FUT8: variants seen among roughly 807,000 people sequenced by gnomAD.
FUT8 encodes alpha-(1,6)-fucosyltransferase.
A neutral mutation model predicts 71.3 loss-of-function variants in FUT8; 29 were observed. The ratio of observed to expected loss-of-function variants is 0.41; its 90% CI spans 0.30 to 0.55. The LOEUF (loss-of-function observed/expected upper bound fraction) is 0.55. Among genes scored for constraint, FUT8 ranks in the 20% least tolerant of loss-of-function variants. FUT8 has a pLI of 0.34. For synonymous variants in FUT8, 254 were observed against 239.3 expected (o/e 1.06, Z -0.57); for missense variants, 544 against 702.1 (o/e 0.77, Z 2.55).
chr14:65,655,707 C>T lies in FUT8; in HGVS notation c.598-13536C>T, dbSNP rs73268560. The stretch of plus-strand genomic sequence containing the variant: ...AATATAGTTGGAGACTTTAATATCC[C>T]TCTTTCAATAATTGATGGAAGCATT... On this transcript the variant is annotated intron_variant, in intron 6 of 10. Coordinates refer to ENST00000673929, the MANE Select transcript of FUT8 (RefSeq NM_001371533.1). 9.3e-3 allele frequency among the ~76,000 whole-genome samples: 1,423 copies of T among 152,232 alleles called. 22 individuals are homozygous for T. The highest frequency in any genetic ancestry group is 0.033 in the African/African-American group (1,355 of 41,538).
intron 1 of FUT8, among the ~76,000 whole-genome samples, chr14:65,430,732 G>A (rs972590201): frequency 2.0e-5 from 3 of 152,136 alleles, no homozygotes; most frequent in Non-Finnish European, 4.4e-5. Flanking sequence ...ATAATTAAAA[G>A]TTTTGTAACA....
chr14:65,537,827 A>G (rs903297364), intron 2 of FUT8, among the ~76,000 whole-genome samples: 6 of 152,174 alleles, frequency 3.9e-5, no homozygotes, highest in Non-Finnish European at 5.9e-5. Flanking sequence ...GTGGTATAAC[A>G]TGGGTTCTGT....
At position 65,616,085 on chromosome 14, in the gene FUT8, C is replaced by A. The variant is rs376024022; in HGVS notation, c.311C>A (p.Thr104Asn). The change falls in exon 4 of 11, where the codon ACC (threonine) becomes AAC (asparagine). Residue 104 changes from threonine to asparagine, a missense_variant. Transcript: ENST00000673929. ...CAGATTGAAAATTACAAGAAACAGACCAGAAATGGTAGGTGATTATACAGT... is the reference window on the plus strand; with the variant it reads ...CAGATTGAAAATTACAAGAAACAGAACAGAAATGGTAGGTGATTATACAGT... ...KEQIENYKKQ[T>N]RNGLGKDHEI... The A allele has an allele frequency of 8.1e-5, 130 of 1,613,068 alleles. No homozygotes were observed. Among genetic ancestry groups the A allele is most frequent in the Non-Finnish European group, 5.9e-5 (69 of 1,179,348 alleles).
At position 65,464,259 on chromosome 14, in the gene FUT8, GT is replaced by G. The variant is rs3084724; in HGVS notation, c.-228+8561del. On this transcript the variant is annotated intron_variant, in intron 2 of 10. Transcript: ENST00000673929. ...AGGAGTTTGTTGGTCAGTACTTTGG[GT>G]TTTTTTTTTTTTTTTTTTTACATAG... is the stretch of plus-strand genomic sequence containing the variant. 4.4e-3 allele frequency among the ~76,000 whole-genome samples: 508 copies of G among 116,526 alleles called. 3 individuals are homozygous for G. The highest frequency in any genetic ancestry group is 0.04 in the East Asian group (150 of 3,792). The allele number at this position is 116,526 out of a possible 152,430, so 76.4% of individuals were successfully genotyped here.
chr14:65,402,746 G>T, the FUT8 span, among the ~76,000 whole-genome samples: 1 of 152,124 alleles, frequency 6.6e-6, no homozygotes, highest in African/African-American at 2.4e-5. Context: ...ACAATCTCCT[G>T]CCTCAGCCTC....
intron 10 of FUT8, among the ~76,000 whole-genome samples, chr14:65,737,833 CTT>C (rs1429758286): frequency 6.6e-6 from 1 of 152,086 alleles, no homozygotes; most frequent in African/African-American, 2.4e-5. Flanking sequence ...ATGAGCCTCT[CTT>C]GGTCTAATTC....
At chr14:65,477,616 A>ATT (rs1008752376) in intron 2 of FUT8, among the ~76,000 whole-genome samples, 7 of 150,542 alleles carry the variant, frequency 4.6e-5, no homozygotes, top group African/African-American at 1.7e-4. Flanking sequence ...AGCTTTGCTA[A>ATT]TTTTTTTTTT....
At chr14:65,672,767 A>G (rs1353766629) in intron 7 of FUT8, among the ~76,000 whole-genome samples, 1 of 152,132 alleles carries the variant, frequency 6.6e-6, no homozygotes, top group Non-Finnish European at 1.5e-5. Context: ...GGCCTCAACA[A>G]TTTATAATTT....
chr14:65,694,706 T>G (rs1407723684), intron 7 of FUT8, among the ~76,000 whole-genome samples: 3 of 152,002 alleles, frequency 2.0e-5, no homozygotes, highest in Non-Finnish European at 4.4e-5. Context: ...TGGAATACTA[T>G]GCAGCCATAA....
chr14:65,440,039 T>A (rs1450823378), intron 1 of FUT8, among the ~76,000 whole-genome samples: 1 of 144,672 alleles, frequency 6.9e-6, no homozygotes, highest in Non-Finnish European at 1.5e-5. Context: ...GAGAAGGAAG[T>A]CTTGATATTT....
At chr14:65,633,896 G>A (rs1004991127) in intron 6 of FUT8, among the ~76,000 whole-genome samples, 1 of 151,632 alleles carries the variant, frequency 6.6e-6, no homozygotes, top group African/African-American at 2.4e-5. Flanking sequence ...GGAGGGAGGT[G>A]GGGGTCAGCC....
At chr14:65,619,547 G>A (rs1200575603) in intron 5 of FUT8, among the ~76,000 whole-genome samples, 1 of 152,136 alleles carries the variant, frequency 6.6e-6, no homozygotes, top group African/African-American at 2.4e-5. Flanking sequence ...GGCCTTGATA[G>A]CTAATAACTA....
intron 1 of FUT8, among the ~76,000 whole-genome samples, chr14:65,454,765 G>A (rs766691255): frequency 2.6e-5 from 4 of 152,116 alleles, no homozygotes; most frequent in Non-Finnish European, 5.9e-5. Flanking sequence ...GGTGACTTGC[G>A]CATACTACAC....
At chr14:65,655,454 C>T (rs1297961894) in intron 6 of FUT8, among the ~76,000 whole-genome samples, 18 of 137,554 alleles carry the variant, frequency 1.3e-4, no homozygotes, top group Admixed American at 2.4e-4. Flanking sequence ...TTAGCCTGGG[C>T]GACAGAGCAA....
chr14:65,615,485 G>A (rs924263230), intron 3 of FUT8, among the ~76,000 whole-genome samples: 1 of 152,092 alleles, frequency 6.6e-6, no homozygotes, highest in Non-Finnish European at 1.5e-5. Context: ...GTAGTCTAAT[G>A]TCATGAATTG....
intron 2 of FUT8, among the ~76,000 whole-genome samples, chr14:65,490,791 T>A (rs370340600): frequency 3.9e-5 from 6 of 152,264 alleles, no homozygotes. Flanking sequence ...TATGGAAGAC[T>A]GTGGCAAAAA....
At chr14:65,370,193 CACAT>C in the FUT8 span, among the ~76,000 whole-genome samples, 2 of 144,810 alleles carry the variant, frequency 1.4e-5, no homozygotes, top group African/African-American at 5.1e-5. Context: ...CTTTAGAGCA[CACAT>C]AGTCTTTTTT....
rs998073787 is a variant in FUT8 at position 65,627,145 on chromosome 14, C to CA, written c.483-2339dup. 6.6e-6 allele frequency among the ~76,000 whole-genome samples: 1 copy of CA among 150,878 alleles called. No individual in the cohort carries two copies. The highest frequency in any genetic ancestry group is 1.5e-5 in the Non-Finnish European group (1 of 67,726). ...AAAACAAAAAAATAAAAGAAGCAAC[C>CA]AAAAAAAAGTTCATTCTTTTGGAGC... On this transcript the variant is annotated intron_variant, in intron 5 of 10. Coordinates refer to ENST00000673929, the MANE Select transcript of FUT8 (RefSeq NM_001371533.1). The surrounding 1 kb of genome is among the most constrained non-coding windows in gnomAD (Gnocchi z 4.0).
At chr14:65,739,011 C>T (rs1896364772) in intron 10 of FUT8, among the ~76,000 whole-genome samples, 1 of 152,058 alleles carries the variant, frequency 6.6e-6, no homozygotes, top group African/African-American at 2.4e-5. Flanking sequence ...CTGACTGTGG[C>T]TCTGCCATTA....
Sources: gnomAD v4.1 joint callset for allele counts (sites outside exome capture counted in the v4.1 genomes callset) on GRCh38, gnomAD v4.1.1 for gene constraint, Gnocchi (gnomAD v3.1) non-coding constraint, MANE v1.5 for transcripts, NCBI Gene and HGNC (gene_info 2026-07-23, HGNC 2026-07-21) for gene names.